Variants in GPATCH2 observed in about 807,000 individuals in gnomAD.
GPATCH2 encodes G-patch domain containing 2.
Under a neutral mutation model 58.0 loss-of-function variants are expected in GPATCH2, and 51 were observed. The observed-to-expected ratio is 0.88, with a 90% CI of 0.70 to 1.11. GPATCH2 has a LOEUF of 1.11. Among genes scored for constraint, GPATCH2 ranks in the 50% most tolerant of loss-of-function variants. The pLI, the probability that GPATCH2 is intolerant of heterozygous loss-of-function variation, is 0.00. For missense variants in GPATCH2, 625 were observed against 652.2 expected, an observed-to-expected ratio of 0.96 and a Z score of 0.45; for synonymous variants, 222 against 218.5, an observed-to-expected ratio of 1.02 and a Z score of -0.14.
chr1:217,510,101 T>C (rs1189911243), intron 6 of GPATCH2, among the ~76,000 whole-genome samples: 1 of 152,168 alleles, frequency 6.6e-6, no homozygotes, highest in Admixed American at 6.5e-5. Flanking sequence ...TACTTTTTCC[T>C]GAAAGCATGC....
At chr1:217,557,128 C>T (rs566690456) in intron 5 of GPATCH2, among the ~76,000 whole-genome samples, 4 of 152,154 alleles carry the variant, frequency 2.6e-5, no homozygotes, top group East Asian at 1.9e-4. Context: ...TCAAGTTGGC[C>T]GGGTGCGGTG....
chr1:217,502,385 T>G (rs1283999187), intron 6 of GPATCH2, among the ~76,000 whole-genome samples: 1 of 151,642 alleles, frequency 6.6e-6, no homozygotes, highest in Non-Finnish European at 1.5e-5. Flanking sequence ...AGATCTCTTT[T>G]GATTTCTTTC....
intron 4 of GPATCH2, 92 bp from the exon 5 acceptor site, chr1:217,610,492 A>C: frequency 5.1e-6 from 4 of 787,274 alleles, no homozygotes; most frequent in Non-Finnish European, 6.4e-6. Context: ...AAGAAAAGTA[A>C]GTTGGTGGTG....
intron 5 of GPATCH2, among the ~76,000 whole-genome samples, chr1:217,600,930 A>G (rs1194478144): frequency 1.3e-5 from 2 of 152,200 alleles, no homozygotes; most frequent in Non-Finnish European, 2.9e-5. Flanking sequence ...AAAGACATTC[A>G]TTAAAAAGTC....
chr1:217,608,250 C>A (rs1398651827), intron 5 of GPATCH2: 2 of 972,534 alleles, frequency 2.1e-6, no homozygotes, highest in Non-Finnish European at 2.4e-6. Context: ...AAAATTCAAA[C>A]AAGGACAATT....
At chr1:217,472,383 GC>G (rs1198013520) in intron 8 of GPATCH2, among the ~76,000 whole-genome samples, 2 of 145,586 alleles carry the variant, frequency 1.4e-5, no homozygotes, top group African/African-American at 5.1e-5. Flanking sequence ...CTCACTGCAA[GC>G]TCCGCTTCCC....
intron 5 of GPATCH2, among the ~76,000 whole-genome samples, chr1:217,529,554 C>T (rs927907992): frequency 1.1e-4 from 17 of 152,156 alleles, no homozygotes; most frequent in African/African-American, 4.1e-4. Flanking sequence ...AGAATAAGAG[C>T]CCTCACCAGA....
At chr1:217,473,280 AGTGTGTGTGTGTGTGT>A (rs71166009) in intron 8 of GPATCH2, among the ~76,000 whole-genome samples, 91 of 142,310 alleles carry the variant, frequency 6.4e-4, no homozygotes, top group African/African-American at 1.7e-3. Flanking sequence ...GGTTTAGTTC[AGTGTGTGTGTGTGTGT>A]GTGTGTGTGT....
intron 8 of GPATCH2, among the ~76,000 whole-genome samples, chr1:217,450,541 C>A (rs1659613836): frequency 6.6e-6 from 1 of 151,916 alleles, no homozygotes. Context: ...CACATGCAGT[C>A]AAAAAAATAC....
intron 8 of GPATCH2, among the ~76,000 whole-genome samples, chr1:217,468,921 A>G (rs1168576875): frequency 6.6e-6 from 1 of 152,122 alleles, no homozygotes; most frequent in Non-Finnish European, 1.5e-5. Flanking sequence ...ATGATAAAAT[A>G]TTGTTAAAAA....
At position 217,470,252 on chromosome 1, in the gene GPATCH2, A is replaced by T. The variant is rs115476708; in HGVS notation, c.1278-20915T>A. Reference sequence around the variant, plus strand: ...GTTAAGGGTCACTGGAACAGCTTTCACATGCTAACTGTTTTCCATCCTTAG... The same window carrying T: ...GTTAAGGGTCACTGGAACAGCTTTCTCATGCTAACTGTTTTCCATCCTTAG... On this transcript the variant is annotated intron_variant, in intron 8 of 9. Coordinates refer to ENST00000366935, the MANE Select transcript of GPATCH2 (RefSeq NM_018040.5). Among the ~76,000 whole-genome samples the T allele has an allele frequency of 3.4e-3, 521 of 152,336 alleles. 8 individuals are homozygous for T. Among genetic ancestry groups the T allele is most frequent in the African/African-American group, 0.012 (492 of 41,584 alleles).
intron 1 of GPATCH2, among the ~76,000 whole-genome samples, chr1:217,630,473 G>A (rs1312395986): frequency 6.6e-6 from 1 of 152,108 alleles, no homozygotes; most frequent in Non-Finnish European, 1.5e-5. Context: ...AAAAGGGGGT[G>A]AGAGGGTGAT....
At chr1:217,503,119 G>C (rs1662384611) in intron 6 of GPATCH2, among the ~76,000 whole-genome samples, 1 of 152,164 alleles carries the variant, frequency 6.6e-6, no homozygotes, top group Non-Finnish European at 1.5e-5. Flanking sequence ...TAAATGTTCA[G>C]AGCAGCAAAC....
chr1:217,477,219 A>G (rs1389975426), intron 8 of GPATCH2, among the ~76,000 whole-genome samples: 1 of 152,034 alleles, frequency 6.6e-6, no homozygotes, highest in East Asian at 1.9e-4. Flanking sequence ...GGCCCTGTAT[A>G]ACAAGCAGCG....
chr1:217,547,247 C>G (rs1486230925), intron 5 of GPATCH2, among the ~76,000 whole-genome samples: 5 of 152,000 alleles, frequency 3.3e-5, no homozygotes. Context: ...CCTGTAATCC[C>G]AGCTACTTGG....
At chr1:217,569,909 T>C (rs1472540736) in intron 5 of GPATCH2, among the ~76,000 whole-genome samples, 2 of 152,088 alleles carry the variant, frequency 1.3e-5, no homozygotes, top group Non-Finnish European at 2.9e-5. Flanking sequence ...CGTTTGGCAA[T>C]GTTTGAAGCC....
chr1:217,629,969 T>G (rs542857749), intron 1 of GPATCH2, among the ~76,000 whole-genome samples: 2 of 152,348 alleles, frequency 1.3e-5, no homozygotes, highest in South Asian at 4.1e-4. Flanking sequence ...TTCTAATTTT[T>G]GCAGAATCTA....
At chr1:217,541,960 T>A (rs941880124) in intron 5 of GPATCH2, among the ~76,000 whole-genome samples, 6 of 152,316 alleles carry the variant, frequency 3.9e-5, no homozygotes, top group South Asian at 2.1e-4. Context: ...GAGTTTTTTT[T>A]ATAGAAAGAC....
At chr1:217,443,391 A>G (rs2102542335) in intron 9 of GPATCH2, among the ~76,000 whole-genome samples, 1 of 152,194 alleles carries the variant, frequency 6.6e-6, no homozygotes, top group East Asian at 1.9e-4. Flanking sequence ...GCTATTTTTA[A>G]GTTTGCTACC....
Sources: gnomAD v4.1 joint callset for allele counts (sites outside exome capture counted in the v4.1 genomes callset) on GRCh38, gnomAD v4.1.1 for gene constraint, MANE v1.5 for transcripts, NCBI Gene and HGNC (gene_info 2026-07-23, HGNC 2026-07-21) for gene names.